NBEA: variants seen among roughly 807,000 people sequenced by gnomAD.
NBEA encodes neurobeachin, also known as lysosomal-trafficking regulator 2.
Under a neutral mutation model 343.4 loss-of-function variants are expected in NBEA, and 44 were observed. The ratio of observed to expected loss-of-function variants is 0.13; its 90% CI spans 0.10 to 0.16. NBEA has a LOEUF of 0.16. NBEA is among the 10% of genes least tolerant of loss of function. The probability of loss-of-function intolerance (pLI) is 1.00; values close to 1 mark genes in which losing one functional copy is unlikely to be tolerated. For synonymous variants in NBEA, 1,175 were observed against 1,238.7 expected (o/e 0.95, Z 1.08); for missense variants, 2,555 against 3,631.3 (o/e 0.70, Z 7.62).
At chr13:35,134,070 AG>A (rs2067580996) in intron 17 of NBEA, among the ~76,000 whole-genome samples, 1 of 152,088 alleles carries the variant, frequency 6.6e-6, no homozygotes, top group African/African-American at 2.4e-5. Flanking sequence ...AGAATGTGGA[AG>A]GACATTCTGT....
At chr13:35,398,605 T>G (rs919411984) in intron 38 of NBEA, among the ~76,000 whole-genome samples, 6 of 152,174 alleles carry the variant, frequency 3.9e-5, no homozygotes, top group African/African-American at 1.4e-4. Flanking sequence ...AAGTGCCTTG[T>G]CAATGGGCAG....
chr13:34,995,559 A>G (rs1311096711), intron 1 of NBEA, among the ~76,000 whole-genome samples: 3 of 152,250 alleles, frequency 2.0e-5, no homozygotes, highest in African/African-American at 4.8e-5. Flanking sequence ...AACAGGTTCC[A>G]AGAACTATCT....
chr13:35,650,687 G>A (rs1197539124), intron 52 of NBEA, among the ~76,000 whole-genome samples: 2 of 152,154 alleles, frequency 1.3e-5, no homozygotes, highest in Non-Finnish European at 2.9e-5. Flanking sequence ...GGACGACAAA[G>A]TGAGACTTTG....
intron 41 of NBEA, among the ~76,000 whole-genome samples, chr13:35,516,902 C>T (rs1157013750): frequency 6.6e-6 from 1 of 152,120 alleles, no homozygotes. Context: ...TCAGAGATGT[C>T]CAGTTATTTC....
At chr13:35,155,553 A>G (rs1258543455) in intron 18 of NBEA, among the ~76,000 whole-genome samples, 1 of 152,150 alleles carries the variant, frequency 6.6e-6, no homozygotes, top group East Asian at 1.9e-4. Flanking sequence ...TGAACCCATG[A>G]GGTGGAGGTT....
chr13:35,042,223 T>A (rs1239577861), intron 2 of NBEA, among the ~76,000 whole-genome samples: 2 of 151,832 alleles, frequency 1.3e-5, no homozygotes, highest in African/African-American at 2.4e-5. Context: ...CATATCTAAT[T>A]ACCTTCAGGG....
At chr13:35,008,145 C>G (rs2061374324) in intron 1 of NBEA, among the ~76,000 whole-genome samples, 1 of 152,094 alleles carries the variant, frequency 6.6e-6, no homozygotes, top group African/African-American at 2.4e-5. Flanking sequence ...TGCCTGGTCT[C>G]TGCAAGGACT....
chr13:35,473,178 G>T (rs913765186), intron 41 of NBEA, among the ~76,000 whole-genome samples: 1 of 152,146 alleles, frequency 6.6e-6, no homozygotes, highest in Non-Finnish European at 1.5e-5. Context: ...AAATGTTATT[G>T]TGTAGATTTT....
intron 1 of NBEA, among the ~76,000 whole-genome samples, chr13:34,958,427 G>A (rs2059564074): frequency 6.6e-6 from 1 of 152,110 alleles, no homozygotes; most frequent in African/African-American, 2.4e-5. Flanking sequence ...AGTTTTGACT[G>A]GGGGAAGTGA....
At chr13:34,998,578 C>T (rs2061016871) in intron 1 of NBEA, among the ~76,000 whole-genome samples, 1 of 152,126 alleles carries the variant, frequency 6.6e-6, no homozygotes, top group South Asian at 2.1e-4. Context: ...CAGGGATGTT[C>T]CTTGCTGAGA....
At chr13:35,594,966 C>CACAT (rs1444131216) in intron 47 of NBEA, among the ~76,000 whole-genome samples, 1 of 150,678 alleles carries the variant, frequency 6.6e-6, no homozygotes, top group African/African-American at 2.5e-5. Flanking sequence ...CACACACACA[C>CACAT]ACACACACAC....
At chr13:35,392,193 C>T (rs2042536720) in intron 38 of NBEA, among the ~76,000 whole-genome samples, 1 of 152,024 alleles carries the variant, frequency 6.6e-6, no homozygotes, top group African/African-American at 2.4e-5. Context: ...CTGGTAAGAT[C>T]ATCCTTTAAT....
At chr13:35,321,793 C>T (rs1644176502) in intron 36 of NBEA, among the ~76,000 whole-genome samples, 1 of 152,180 alleles carries the variant, frequency 6.6e-6, no homozygotes, top group Admixed American at 6.5e-5. Flanking sequence ...AGATACTCTG[C>T]CCAGAGATGA....
At chr13:35,135,883 C>G (rs1038910645) in intron 17 of NBEA, among the ~76,000 whole-genome samples, 4 of 151,646 alleles carry the variant, frequency 2.6e-5, no homozygotes, top group African/African-American at 9.7e-5. Context: ...GGAGAAGAAG[C>G]CTTCAAACCA....
chr13:35,321,700 G>A (rs1327205871), intron 36 of NBEA, among the ~76,000 whole-genome samples: 3 of 152,142 alleles, frequency 2.0e-5, no homozygotes, highest in African/African-American at 4.8e-5. Flanking sequence ...ACCCACAGCC[G>A]CCCCTTCCCC....
At chr13:35,337,337 C>G (rs148466399) in intron 36 of NBEA, among the ~76,000 whole-genome samples, 1 of 152,108 alleles carries the variant, frequency 6.6e-6, no homozygotes, top group East Asian at 1.9e-4. Context: ...ACAAATAGAA[C>G]TCAAAAGAAC....
rs538872484 is a variant in NBEA at position 34,945,414 on chromosome 13, G to A, written c.294+2300G>A. Among the ~76,000 whole-genome samples the A allele has an allele frequency of 8.6e-5, 13 of 152,020 alleles. No individual in the cohort carries two copies. The South Asian group carries it at 2.3e-3, about 27-fold the overall frequency. Reference sequence around the variant, plus strand: ...GAAAATGTCATATGAAAATTTAAGTGGATTCTCAAAAATATGTGGAAGTCA... The same window carrying A: ...GAAAATGTCATATGAAAATTTAAGTAGATTCTCAAAAATATGTGGAAGTCA... On this transcript the variant is annotated intron_variant, in intron 1 of 58. Coordinates refer to ENST00000379939, the MANE Select transcript of NBEA (RefSeq NM_001385012.1).
At chr13:35,228,387 T>TA (rs2074782403) in intron 33 of NBEA, among the ~76,000 whole-genome samples, 2 of 150,078 alleles carry the variant, frequency 1.3e-5, no homozygotes, top group Admixed American at 6.6e-5. Context: ...TTTTTTTTTT[T>TA]ATTTGTGTAA....
At chr13:34,976,193 A>G (rs2060168176) in intron 1 of NBEA, among the ~76,000 whole-genome samples, 1 of 152,188 alleles carries the variant, frequency 6.6e-6, no homozygotes, top group African/African-American at 2.4e-5. Flanking sequence ...TCAACCAATG[A>G]GTGGATGAAA....
Sources: gnomAD v4.1 joint callset for allele counts (sites outside exome capture counted in the v4.1 genomes callset) on GRCh38, gnomAD v4.1.1 for gene constraint, MANE v1.5 for transcripts, NCBI Gene and HGNC (gene_info 2026-07-23, HGNC 2026-07-21) for gene names.